Variants in MOB3B observed in about 807,000 individuals in gnomAD.
MOB3B encodes the protein MOB kinase activator-like 2B.
MOB3B carries 7 observed loss-of-function variants against 18.7 expected under a neutral mutation model. The observed-to-expected ratio is 0.37, with a 90% CI of 0.21 to 0.70. The LOEUF is 0.70. MOB3B is among the 30% of genes least tolerant of loss of function. The pLI is 0.52. For missense variants in MOB3B, 253 were observed against 281.3 expected (o/e 0.90, Z 0.72); for synonymous variants, 111 against 99.9 (o/e 1.11, Z -0.66).
intron 3 of MOB3B, among the ~76,000 whole-genome samples, chr9:27,352,564 A>C (rs1016963902): frequency 6.6e-6 from 1 of 152,308 alleles, no homozygotes; most frequent in South Asian, 2.1e-4. Flanking sequence ...ATGAGGAGCA[A>C]CAATGAAAAG....
chr9:27,333,338 T>C (rs1419955998), intron 3 of MOB3B, among the ~76,000 whole-genome samples: 2 of 148,590 alleles, frequency 1.3e-5, no homozygotes, highest in Non-Finnish European at 3.0e-5. Context: ...GCCCACTGGG[T>C]GGAGCCAATG....
intron 2 of MOB3B, among the ~76,000 whole-genome samples, chr9:27,420,581 A>AG (rs1822231662): frequency 1.6e-5 from 2 of 123,606 alleles, no homozygotes; most frequent in African/African-American, 6.0e-5. Flanking sequence ...ATATATATAT[A>AG]TATATATATA....
intron 1 of MOB3B, among the ~76,000 whole-genome samples, chr9:27,489,808 A>C (rs1040220108): frequency 2.1e-5 from 3 of 140,546 alleles, no homozygotes; most frequent in Non-Finnish European, 4.5e-5. Flanking sequence ...GTCCACCTAT[A>C]CAAGAATACA....
intron 2 of MOB3B, among the ~76,000 whole-genome samples, chr9:27,382,556 C>G (rs1821593375): frequency 6.6e-6 from 1 of 152,118 alleles, no homozygotes; most frequent in Admixed American, 6.5e-5. Context: ...TGAGTTCCTT[C>G]ACCATGATTC....
In MOB3B at chr9:27,423,796, T is replaced by A. The variant is rs546954800; in HGVS notation, c.418+31337A>T. On this transcript the variant is annotated intron_variant, in intron 2 of 3. Coordinates refer to ENST00000262244, the MANE Select transcript of MOB3B (RefSeq NM_024761.5). ...TAAATGAATAAACTGATTGAGACTT[T>A]ATGTTCATCAGAGAAAGTATCAATT... Among the ~76,000 whole-genome samples the A allele has an allele frequency of 7.2e-5, 11 of 152,378 alleles. No individual in the cohort carries two copies. The East Asian group carries it at 1.9e-3, about 27-fold the overall frequency.
At chr9:27,430,057 C>A (rs1029904813) in intron 2 of MOB3B, among the ~76,000 whole-genome samples, 1 of 152,196 alleles carries the variant, frequency 6.6e-6, no homozygotes, top group Non-Finnish European at 1.5e-5. Flanking sequence ...CTTCTAAGGG[C>A]TTCCCAGAGC....
At chr9:27,337,623 T>C (rs537065178) in intron 3 of MOB3B, among the ~76,000 whole-genome samples, 1 of 152,370 alleles carries the variant, frequency 6.6e-6, no homozygotes, top group East Asian at 1.9e-4. Flanking sequence ...GGAGGAGTGA[T>C]GAGGATGAGA....
rs117001912 is a variant in MOB3B, at chr9:27,446,172, G to A, written c.418+8961C>T. 2.4e-3 allele frequency among the ~76,000 whole-genome samples: 367 copies of A among 152,180 alleles called. 6 individuals are homozygous for A. In the East Asian group the frequency reaches 0.037, roughly 15 times the overall value. Reference sequence around the variant, plus strand: ...GTTTTGTTTAAATATTGAACTCTCAGAGAAATGAAGATGTTAGCCAAGTGA... The same window carrying A: ...GTTTTGTTTAAATATTGAACTCTCAAAGAAATGAAGATGTTAGCCAAGTGA... On this transcript the variant is annotated intron_variant, in intron 2 of 3. Coordinates refer to ENST00000262244, the MANE Select transcript of MOB3B (RefSeq NM_024761.5).
At position 27,328,758 on chromosome 9, in the gene MOB3B, G is replaced by C. The variant is rs1261504528; in HGVS notation, c.*1829C>G. On this transcript the variant is annotated 3_prime_UTR_variant, in exon 4 of 4. Transcript: ENST00000262244. ...CCATCTGGTAACTGTGTATTGCAGA[G>C]GCTGGGACTTAGGGGCTCTTGTTTC... 1 of 152,546 alleles carries C rather than the reference G, an allele frequency of 6.6e-6. No individual in the cohort carries two copies. The highest frequency in any genetic ancestry group is 2.4e-5 in the African/African-American group (1 of 41,442). 9.4% of individuals were successfully genotyped at this position (152,546 alleles called of 1,614,324 possible). A position where few individuals can be genotyped will look rare whatever the true frequency, so the allele number is the denominator to read the frequency against.
chr9:27,524,518 G>A (rs752916216), intron 1 of MOB3B: 31 of 1,613,916 alleles, frequency 1.9e-5, no homozygotes, highest in Admixed American at 6.7e-5. Context: ...GAATGTCTAC[G>A]AGAAAACATA....
intron 3 of MOB3B, among the ~76,000 whole-genome samples, chr9:27,358,461 C>T (rs963808347): frequency 1.3e-5 from 2 of 152,204 alleles, no homozygotes; most frequent in Admixed American, 6.5e-5. Context: ...CAAATGTTCT[C>T]TATTCTAATA....
At chr9:27,350,641 C>T (rs1326577461) in intron 3 of MOB3B, among the ~76,000 whole-genome samples, 1 of 152,176 alleles carries the variant, frequency 6.6e-6, no homozygotes, top group Non-Finnish European at 1.5e-5. Flanking sequence ...TAAGGCAATT[C>T]ATTGGAAATA....
chr9:27,431,355 T>A (rs577300400), intron 2 of MOB3B, among the ~76,000 whole-genome samples: 5 of 152,234 alleles, frequency 3.3e-5, no homozygotes, highest in African/African-American at 1.2e-4. Context: ...TTAATTACCA[T>A]ATTTGAAAGG....
At chr9:27,368,838 C>A (rs1037807992) in intron 2 of MOB3B, among the ~76,000 whole-genome samples, 2 of 152,138 alleles carry the variant, frequency 1.3e-5, no homozygotes, top group African/African-American at 2.4e-5. Flanking sequence ...AACCATGAGT[C>A]CAGCGTGCCT....
chr9:27,359,019 C>T lies in MOB3B; in HGVS notation c.621+15G>A, dbSNP rs773443234. On this transcript the variant is annotated intron_variant, in intron 3 of 3. Coordinates refer to ENST00000262244, the MANE Select transcript of MOB3B (RefSeq NM_024761.5). ...TGGGGTGACTTGGATACCATTATTT[C>T]ATGGTGTCACTTACCAAAGGCTCTA... 1 of 1,611,234 alleles carries T rather than the reference C, an allele frequency of 6.2e-7. No homozygotes were observed. The highest frequency in any genetic ancestry group is 8.5e-7 in the Non-Finnish European group (1 of 1,177,408).
chr9:27,439,749 A>T (rs967686072), intron 2 of MOB3B, among the ~76,000 whole-genome samples: 1 of 152,150 alleles, frequency 6.6e-6, no homozygotes, highest in African/African-American at 2.4e-5. Context: ...AAAGGTATGC[A>T]TATATGTGCC....
intron 2 of MOB3B, among the ~76,000 whole-genome samples, chr9:27,398,154 G>C (rs1421819264): frequency 6.6e-6 from 1 of 152,210 alleles, no homozygotes; most frequent in East Asian, 1.9e-4. Context: ...AGGAGCTCAT[G>C]TGTTGTTATC....
chr9:27,340,068 C>T (rs187061975), intron 3 of MOB3B, among the ~76,000 whole-genome samples: 5 of 152,162 alleles, frequency 3.3e-5, no homozygotes, highest in African/African-American at 7.2e-5. Context: ...ATAAGCCAAA[C>T]GAAATAAAAA....
chr9:27,468,736 G>A (rs190998154), intron 1 of MOB3B, among the ~76,000 whole-genome samples: 77 of 152,316 alleles, frequency 5.1e-4, no homozygotes, highest in African/African-American at 1.6e-3. Context: ...GTATCTAAAT[G>A]ATTGTTAATC....
Sources: gnomAD v4.1 joint callset for allele counts (sites outside exome capture counted in the v4.1 genomes callset) on GRCh38, gnomAD v4.1.1 for gene constraint, MANE v1.5 for transcripts, NCBI Gene and HGNC (gene_info 2026-07-23, HGNC 2026-07-21) for gene names.